The following TCF12 variants were observed in gnomAD, a reference collection of about 807,000 sequenced individuals.
TCF12 encodes DNA-binding protein HTF4.
Under a neutral mutation model 86.0 loss-of-function variants are expected in TCF12, and 45 were observed. The observed-to-expected ratio is 0.52, with a 90% CI of 0.41 to 0.67. The LOEUF (loss-of-function observed/expected upper bound fraction) is 0.67. Ranked by LOEUF, TCF12 falls within the 30% of genes least tolerant of loss-of-function variation. The pLI, the probability that TCF12 is intolerant of heterozygous loss-of-function variation, is 0.00. For missense variants in TCF12, 881 were observed against 859.9 expected, an observed-to-expected ratio of 1.02 and a Z score of -0.31; for synonymous variants, 330 against 299.6, an observed-to-expected ratio of 1.10 and a Z score of -1.05.
intron 8 of TCF12, among the ~76,000 whole-genome samples, chr15:57,209,869 T>A (rs2058029034): frequency 6.6e-6 from 1 of 152,172 alleles, no homozygotes; most frequent in Admixed American, 6.5e-5. Flanking sequence ...TTTTTACTGC[T>A]TCTTAAAGAT....
intron 3 of TCF12, among the ~76,000 whole-genome samples, chr15:56,940,713 C>G (rs1397518715): frequency 4.1e-5 from 5 of 123,174 alleles, no homozygotes; most frequent in African/African-American, 1.3e-4. Flanking sequence ...CCTCCTCCCC[C>G]CTTCCTATCC....
At chr15:56,987,955 T>C (rs1168232125) in intron 3 of TCF12, among the ~76,000 whole-genome samples, 1 of 152,226 alleles carries the variant, frequency 6.6e-6, no homozygotes, top group Non-Finnish European at 1.5e-5. Context: ...AGTGTAAACC[T>C]ATTTACCAAG....
chr15:57,139,639 ATG>A, intron 5 of TCF12, among the ~76,000 whole-genome samples: 1 of 151,990 alleles, frequency 6.6e-6, no homozygotes, highest in Non-Finnish European at 1.5e-5. Flanking sequence ...AAAATCTCTA[ATG>A]TTTACTTCTT....
chr15:57,097,275 C>G (rs1449186663), intron 5 of TCF12, among the ~76,000 whole-genome samples: 1 of 152,086 alleles, frequency 6.6e-6, no homozygotes, highest in Non-Finnish European at 1.5e-5. Flanking sequence ...TGGGGTGGCT[C>G]ACATTCCCAG....
intron 3 of TCF12, among the ~76,000 whole-genome samples, chr15:56,944,589 C>T (rs1230221453): frequency 6.6e-6 from 1 of 152,064 alleles, no homozygotes; most frequent in Non-Finnish European, 1.5e-5. Flanking sequence ...TTTAAGAGTT[C>T]TACTTGCCAG....
intron 12 of TCF12, among the ~76,000 whole-genome samples, chr15:57,239,458 G>A (rs7164914): frequency 0.33 from 48,735 of 147,642 alleles, 9,401 homozygotes; most frequent in African/African-American, 0.52. Flanking sequence ...CCTGGTTGCA[G>A]TGAGCCGAGA....
At chr15:57,083,358 T>C (rs1300118574) in intron 4 of TCF12, among the ~76,000 whole-genome samples, 3 of 152,124 alleles carry the variant, frequency 2.0e-5, no homozygotes, top group African/African-American at 7.2e-5. Flanking sequence ...AAAAAGAGAT[T>C]TTTTTCCTGC....
intron 5 of TCF12, among the ~76,000 whole-genome samples, chr15:57,126,219 T>C (rs2051638619): frequency 6.6e-6 from 1 of 152,158 alleles, no homozygotes; most frequent in Admixed American, 6.5e-5. Context: ...CCAGCTTGGT[T>C]GACAGAGTGA....
At position 57,140,717 on chromosome 15, in the gene TCF12, AAAC is replaced by A. The variant is rs1363768047; in HGVS notation, c.326-25682_326-25680del. On this transcript the variant is annotated intron_variant, in intron 5 of 20. Transcript: ENST00000333725. The stretch of plus-strand genomic sequence containing the variant: ...ATTAAATTCAAATTCTATGAGATAT[AAAC>A]AAAATTATTTTATTTTATATTTGAG... Among the ~76,000 whole-genome samples the A allele has an allele frequency of 1.2e-4, 18 of 152,336 alleles. No homozygotes were observed. In the East Asian group the frequency reaches 3.5e-3, roughly 29 times the overall value.
chr15:57,139,405 A>G (rs1308035474), intron 5 of TCF12, among the ~76,000 whole-genome samples: 2 of 152,214 alleles, frequency 1.3e-5, no homozygotes, highest in Non-Finnish European at 2.9e-5. Flanking sequence ...TTTCAGCTGC[A>G]TGTTGGTATC....
Position 57,262,101 on chromosome 15 carries a change from C to T in TCF12, c.1475C>T (p.Thr492Ile), listed in dbSNP as rs1199512196. Residue 492 changes from threonine to isoleucine, a missense_variant, in exon 17 of 21, where the codon ACT becomes ATT. Around this residue, in one of 3 missense-constraint regions of TCF12, gnomAD observed 766 missense variants for 718.9 expected, o/e 1.07. Transcript: ENST00000333725. ...ASSRSASMVG[T>I]HREDSVSLNG... ...GGTTTTCCTTAACTTTAGGTTGGAA[C>T]TCATCGGGAAGACTCTGTCAGTCTC... The T allele has an allele frequency of 6.2e-7, 1 of 1,610,170 alleles. No homozygotes were observed. Among genetic ancestry groups the T allele is most frequent in the South Asian group, 1.1e-5 (1 of 90,362 alleles).
intron 1 of TCF12, 38 bp from the exon 2 acceptor site, chr15:56,919,854 T>C: frequency 6.3e-7 from 1 of 1,590,438 alleles, no homozygotes; most frequent in Non-Finnish European, 8.6e-7. Flanking sequence ...ACTTTGGGCC[T>C]CGGTGGTCTC....
At chr15:56,925,768 G>T (rs1488292564) in intron 3 of TCF12, among the ~76,000 whole-genome samples, 1 of 152,174 alleles carries the variant, frequency 6.6e-6, no homozygotes, top group Non-Finnish European at 1.5e-5. Flanking sequence ...CTGCTTTTGG[G>T]TATCACTTGA....
chr15:56,976,847 G>A (rs570410692), intron 3 of TCF12, among the ~76,000 whole-genome samples: 1 of 152,182 alleles, frequency 6.6e-6, no homozygotes, highest in African/African-American at 2.4e-5. Context: ...TTGAGATTGT[G>A]GGACACTGTA....
intron 18 of TCF12, among the ~76,000 whole-genome samples, chr15:57,268,227 A>T (rs2060959822): frequency 6.6e-6 from 1 of 152,178 alleles, no homozygotes; most frequent in Non-Finnish European, 1.5e-5. Context: ...TCTGGTAGTG[A>T]GACCTGGAAA....
At chr15:57,156,709 T>C (rs1379087513) in intron 5 of TCF12, among the ~76,000 whole-genome samples, 1 of 152,218 alleles carries the variant, frequency 6.6e-6, no homozygotes, top group Non-Finnish European at 1.5e-5. Context: ...ACCAGTGTTC[T>C]CTGAACAAGT....
intron 5 of TCF12, among the ~76,000 whole-genome samples, chr15:57,155,514 G>T (rs1411453517): frequency 1.3e-5 from 2 of 152,196 alleles, no homozygotes; most frequent in East Asian, 1.9e-4. Context: ...GTCTTAGCAG[G>T]CCAGGCATGG....
intron 13 of TCF12, among the ~76,000 whole-genome samples, chr15:57,249,617 C>T (rs1263050793): frequency 6.6e-6 from 1 of 152,066 alleles, no homozygotes; most frequent in Non-Finnish European, 1.5e-5. Context: ...TAGTCTTGTT[C>T]AGCTAAAATG....
At chr15:57,056,116 GGTGTGTGTGT>G (rs137934114) in intron 3 of TCF12, among the ~76,000 whole-genome samples, 10 of 143,234 alleles carry the variant, frequency 7.0e-5, no homozygotes, top group Non-Finnish European at 1.1e-4. Context: ...TAGTTTTAGG[GGTGTGTGTGT>G]GTGTGTGTGT....
Sources: gnomAD v4.1 joint callset for allele counts (sites outside exome capture counted in the v4.1 genomes callset) on GRCh38, gnomAD v4.1.1 for gene constraint, gnomAD v4.1.1 regional missense constraint, MANE v1.5 for transcripts, NCBI Gene and HGNC (gene_info 2026-07-23, HGNC 2026-07-21) for gene names.